Variants in TMEM74 observed in about 807,000 individuals in gnomAD.
The protein encoded by TMEM74 is transmembrane protein 74.
Under a neutral mutation model 18.1 loss-of-function variants are expected in TMEM74, and 13 were observed. The ratio of observed to expected loss-of-function variants is 0.72; its 90% CI spans 0.47 to 1.14. TMEM74 has a LOEUF of 1.14. TMEM74 is among the 50% of genes most tolerant of loss of function. The probability of loss-of-function intolerance (pLI) is 0.00; values close to 1 mark genes in which losing one functional copy is unlikely to be tolerated. For missense variants in TMEM74, 372 were observed against 375.9 expected, an observed-to-expected ratio of 0.99 and a Z score of 0.09; for synonymous variants, 159 against 146.6, an observed-to-expected ratio of 1.08 and a Z score of -0.61.
rs975659938 is a variant in TMEM74 at position 108,779,748 on chromosome 8, T to C, written c.*4433A>G. Among the ~76,000 whole-genome samples the C allele has an allele frequency of 6.6e-6, 1 of 152,166 alleles. No homozygotes were observed. Among genetic ancestry groups the C allele is most frequent in the Non-Finnish European group, 1.5e-5 (1 of 68,016 alleles). On this transcript the variant is annotated 3_prime_UTR_variant, in exon 2 of 2. Coordinates refer to ENST00000297459, the MANE Select transcript of TMEM74 (RefSeq NM_153015.3). ...AAAGCTGTATAACTATAAAATATAG[T>C]CCAAATGCACATAGACTTGAGTGCA...
chr8:108,693,652 G>A (rs1489618103), intron 1 of TMEM74, among the ~76,000 whole-genome samples: 2 of 152,192 alleles, frequency 1.3e-5, no homozygotes, highest in Non-Finnish European at 2.9e-5. Context: ...GGTACGGGGT[G>A]GTGTGGAAAG....
At chr8:108,674,168 A>G (rs1269581715) in intron 1 of TMEM74, among the ~76,000 whole-genome samples, 2 of 152,148 alleles carry the variant, frequency 1.3e-5, no homozygotes, top group East Asian at 3.9e-4. Flanking sequence ...TTGTGTTTTT[A>G]TATCTTTTTT....
intron 1 of TMEM74, among the ~76,000 whole-genome samples, chr8:108,731,043 C>G (rs754608025): frequency 6.6e-6 from 1 of 152,142 alleles, no homozygotes; most frequent in Non-Finnish European, 1.5e-5. Flanking sequence ...TCTAAAAACA[C>G]CTTACCCTGC....
At chr8:108,693,285 C>T (rs1004317153) in intron 1 of TMEM74, among the ~76,000 whole-genome samples, 14 of 152,144 alleles carry the variant, frequency 9.2e-5, no homozygotes, top group African/African-American at 3.4e-4. Context: ...AAAATAACAA[C>T]AAAAAAGAAA....
At chr8:108,774,445 A>G (rs1814206278), downstream of TMEM74, among the ~76,000 whole-genome samples, 1 of 152,108 alleles carries the variant, frequency 6.6e-6, no homozygotes, top group South Asian at 2.1e-4. Context: ...CAGCCCCCCA[A>G]ACCAGGCTGC....
intron 2 of TMEM74, among the ~76,000 whole-genome samples, chr8:108,650,736 G>A (rs907543829): frequency 1.6e-5 from 2 of 124,812 alleles, no homozygotes; most frequent in African/African-American, 5.8e-5. Flanking sequence ...TTTAGATGAA[G>A]GCTTGCTCTT....
intron 2 of TMEM74, among the ~76,000 whole-genome samples, chr8:108,651,769 A>T (rs1812776691): frequency 6.6e-6 from 1 of 152,014 alleles, no homozygotes. Context: ...TGAGAAGTAA[A>T]GCTAAAAGGA....
intron 1 of TMEM74, among the ~76,000 whole-genome samples, chr8:108,685,363 T>C (rs1197990234): frequency 2.0e-5 from 3 of 152,146 alleles, no homozygotes; most frequent in Non-Finnish European, 4.4e-5. Flanking sequence ...TTTTTCTATA[T>C]GTAAGATCAG....
chr8:108,669,758 C>T (rs1203867559), intron 1 of TMEM74, among the ~76,000 whole-genome samples: 1 of 152,088 alleles, frequency 6.6e-6, no homozygotes, highest in Non-Finnish European at 1.5e-5. Flanking sequence ...GTGCATGGGG[C>T]CAGGCATGGT....
intron 1 of TMEM74, among the ~76,000 whole-genome samples, chr8:108,787,265 G>A (rs1406962203): frequency 2.6e-5 from 4 of 152,186 alleles, no homozygotes; most frequent in Admixed American, 1.3e-4. Flanking sequence ...CCAAGCACCT[G>A]GCAGCGGTGC....
intron 1 of TMEM74, among the ~76,000 whole-genome samples, chr8:108,762,016 A>G (rs1168556782): frequency 6.6e-6 from 1 of 152,126 alleles, no homozygotes; most frequent in Non-Finnish European, 1.5e-5. Context: ...TCAGAATTCA[A>G]TCCAGCGAAG....
chr8:108,670,332 C>G (rs1812991587), intron 1 of TMEM74, among the ~76,000 whole-genome samples: 1 of 152,150 alleles, frequency 6.6e-6, no homozygotes, highest in African/African-American at 2.4e-5. Flanking sequence ...AGAAGCACCA[C>G]CTGCTTAGGG....
intron 2 of TMEM74, among the ~76,000 whole-genome samples, chr8:108,639,195 T>C (rs566493306): frequency 9.2e-4 from 140 of 152,162 alleles, no homozygotes; most frequent in Non-Finnish European, 1.6e-3. Flanking sequence ...GGGTTTAAAC[T>C]CTAAATTATA....
At chr8:108,690,731 A>T (rs1737618391) in intron 1 of TMEM74, among the ~76,000 whole-genome samples, 1 of 152,124 alleles carries the variant, frequency 6.6e-6, no homozygotes, top group Non-Finnish European at 1.5e-5. Context: ...CTGAGGCAGG[A>T]GAATGGCTGA....
At chr8:108,614,532 G>A (rs1812365153) in intron 2 of TMEM74, among the ~76,000 whole-genome samples, 2 of 152,204 alleles carry the variant, frequency 1.3e-5, no homozygotes. Context: ...ATATTCGACT[G>A]TGAAAATTCC....
intron 1 of TMEM74, among the ~76,000 whole-genome samples, chr8:108,765,711 T>G (rs558275586): frequency 3.3e-5 from 5 of 152,210 alleles, no homozygotes; most frequent in Admixed American, 3.3e-4. Flanking sequence ...CCTGGCCATC[T>G]TTAGTTACTT....
At chr8:108,725,782 TA>T (rs558322638) in intron 1 of TMEM74, among the ~76,000 whole-genome samples, 259 of 152,332 alleles carry the variant, frequency 1.7e-3, no homozygotes, top group African/African-American at 5.5e-3. Context: ...AAACATGTTA[TA>T]GGGGCAAAGA....
chr8:108,635,165 C>T lies in TMEM74; in HGVS notation n.264+20128G>A, dbSNP rs372685738. Among the ~76,000 whole-genome samples, 92 of 152,076 alleles carry T rather than the reference C, an allele frequency of 6.0e-4. 1 individual carries two copies. Among genetic ancestry groups the T allele is most frequent in the African/African-American group, 2.2e-3 (91 of 41,540 alleles). ...GTTAAAAAAGTAACCCTTGGCTCCT[C>T]CCTCAAATTTCTCTCCTCATCTTTT... is the stretch of plus-strand genomic sequence containing the variant. On this transcript the variant is annotated intron_variant and non_coding_transcript_variant, in intron 2 of 3. Coordinates refer to the TMEM74 transcript ENST00000518838.
intron 1 of TMEM74, among the ~76,000 whole-genome samples, chr8:108,658,851 A>G (rs1188103293): frequency 6.6e-6 from 1 of 152,226 alleles, no homozygotes; most frequent in Non-Finnish European, 1.5e-5. Flanking sequence ...GAGAATAAAC[A>G]TTTCAGTGGT....
Sources: gnomAD v4.1 joint callset for allele counts (sites outside exome capture counted in the v4.1 genomes callset) on GRCh38, gnomAD v4.1.1 for gene constraint, MANE v1.5 for transcripts, NCBI Gene and HGNC (gene_info 2026-07-23, HGNC 2026-07-21) for gene names.